DPP6: variants seen among roughly 807,000 people sequenced by gnomAD.
DPP6 encodes the protein A-type potassium channel modulatory protein DPP6.
A neutral mutation model predicts 122.6 loss-of-function variants in DPP6; 69 were observed. The ratio of observed to expected loss-of-function variants is 0.56; its 90% CI spans 0.46 to 0.69. DPP6 has a LOEUF of 0.69. DPP6 is among the 30% of genes least tolerant of loss of function. The pLI, the probability that DPP6 is intolerant of heterozygous loss-of-function variation, is 0.00. For synonymous variants in DPP6, 418 were observed against 433.1 expected (o/e 0.97, Z 0.43); for missense variants, 928 against 1,116.9 (o/e 0.83, Z 2.41).
intron 1 of DPP6, chr7:154,305,193 G>T: frequency 9.5e-7 from 1 of 1,054,274 alleles, no homozygotes; most frequent in Non-Finnish European, 1.2e-6. Flanking sequence ...GCCGCCACTT[G>T]CCGGTTGCTA....
At chr7:154,325,325 G>A (rs922759370) in intron 1 of DPP6, among the ~76,000 whole-genome samples, 4 of 152,144 alleles carry the variant, frequency 2.6e-5, no homozygotes, top group African/African-American at 9.7e-5. Flanking sequence ...CAGATGGGAT[G>A]TAGGGCCTAT....
chr7:154,010,780 C>A (rs932696933), intron 1 of DPP6, among the ~76,000 whole-genome samples: 4 of 152,192 alleles, frequency 2.6e-5, no homozygotes, highest in African/African-American at 9.7e-5. Flanking sequence ...TAAAACCCAA[C>A]TGTGCAAGTG....
the DPP6 span, among the ~76,000 whole-genome samples, chr7:153,748,421 GGGGGGTGTGGAAAGATC>G: frequency 3.6e-5 from 2 of 55,206 alleles, no homozygotes; most frequent in Non-Finnish European, 7.2e-5. Context: ...TTGAGGGTGA[GGGGGGTGTGGAAAGATC>G]CGCCCTGGAG....
At chr7:154,148,214 G>A (rs527448811) in intron 1 of DPP6, among the ~76,000 whole-genome samples, 6 of 118,474 alleles carry the variant, frequency 5.1e-5, no homozygotes, top group Admixed American at 4.1e-4. Flanking sequence ...GAGGTCCCCC[G>A]TCTGACTCAC....
chr7:154,500,288 G>C (rs1244495795), intron 3 of DPP6, among the ~76,000 whole-genome samples: 1 of 152,142 alleles, frequency 6.6e-6, no homozygotes, highest in Non-Finnish European at 1.5e-5. Flanking sequence ...AAAAAACATT[G>C]AATTGCACAC....
At chr7:154,263,000 A>G (rs1006546512) in intron 1 of DPP6, among the ~76,000 whole-genome samples, 1 of 152,238 alleles carries the variant, frequency 6.6e-6, no homozygotes, top group Non-Finnish European at 1.5e-5. Flanking sequence ...TGAAAAGGAA[A>G]TATAGCTAGG....
Position 154,687,418 on chromosome 7 carries a change from G to C in DPP6, c.762+17977G>C, listed in dbSNP as rs150297254. ...GTGCACATGTGGCAAAGTTTCTGTAGGTTTTGCTGTGTGTATATTTCATTA... is the reference window on the plus strand; with the variant it reads ...GTGCACATGTGGCAAAGTTTCTGTACGTTTTGCTGTGTGTATATTTCATTA... On this transcript the variant is annotated intron_variant, in intron 7 of 25. Transcript: ENST00000377770. 6.0e-4 allele frequency among the ~76,000 whole-genome samples: 91 copies of C among 152,264 alleles called. No individual in the cohort carries two copies. In the East Asian group the frequency reaches 0.015, roughly 25 times the overall value.
intron 1 of DPP6, among the ~76,000 whole-genome samples, chr7:153,967,722 A>C (rs1202837162): frequency 6.6e-6 from 1 of 152,102 alleles, no homozygotes; most frequent in African/African-American, 2.4e-5. Flanking sequence ...TCCTGTGTGC[A>C]TGCGAGATAG....
intron 1 of DPP6, among the ~76,000 whole-genome samples, chr7:154,346,840 C>T (rs1203779879): frequency 2.0e-5 from 3 of 152,190 alleles, no homozygotes; most frequent in Non-Finnish European, 2.9e-5. Flanking sequence ...AGCTACCACA[C>T]ATTTAATATT....
At chr7:153,835,493 T>C in the DPP6 span, among the ~76,000 whole-genome samples, 1 of 152,174 alleles carries the variant, frequency 6.6e-6, no homozygotes, top group Admixed American at 6.5e-5. Context: ...ATTAGTTCTA[T>C]ACATACATAA....
chr7:153,944,969 T>C (rs1376182468), intron 1 of DPP6, among the ~76,000 whole-genome samples: 1 of 152,118 alleles, frequency 6.6e-6, no homozygotes, highest in East Asian at 1.9e-4. Flanking sequence ...GCGCTTTGCG[T>C]TCTCTGTTCC....
At chr7:154,316,386 C>A (rs1228605123) in intron 1 of DPP6, among the ~76,000 whole-genome samples, 2 of 152,130 alleles carry the variant, frequency 1.3e-5, no homozygotes, top group African/African-American at 4.8e-5. Context: ...ATAAGAAAAC[C>A]ATCAGAAATC....
At chr7:154,660,163 AT>A (rs1209228033) in intron 6 of DPP6, among the ~76,000 whole-genome samples, 3 of 152,366 alleles carry the variant, frequency 2.0e-5, no homozygotes, top group African/African-American at 7.2e-5. Context: ...GAATTAGTGA[AT>A]CACCATCGCA....
chr7:153,768,620 T>C, the DPP6 span, among the ~76,000 whole-genome samples: 1 of 152,198 alleles, frequency 6.6e-6, no homozygotes, highest in Non-Finnish European at 1.5e-5. Flanking sequence ...GACTAGTGAA[T>C]ATTAAACACT....
At position 154,193,876 on chromosome 7, in the gene DPP6, C is replaced by T. The variant is rs565092191; in HGVS notation, c.243+140813C>T. Among the ~76,000 whole-genome samples, 8 of 152,100 alleles carry T rather than the reference C, an allele frequency of 5.3e-5. No individual in the cohort carries two copies. In the East Asian group the frequency reaches 1.4e-3, roughly 26 times the overall value. On this transcript the variant is annotated intron_variant, in intron 1 of 25. Transcript: ENST00000377770. The stretch of plus-strand genomic sequence containing the variant: ...GCATCCTTGCACACCCTGGGATGCG[C>T]TCACCACAGAGGGGTGTGCGCTGGT...
intron 1 of DPP6, among the ~76,000 whole-genome samples, chr7:153,919,144 C>T (rs1014284711): frequency 3.3e-5 from 5 of 152,058 alleles, no homozygotes; most frequent in African/African-American, 7.2e-5. Context: ...TTTCCTTGGC[C>T]TTATTCTTGA....
intron 16 of DPP6, 32 bp downstream of exon 16, chr7:154,807,144 G>T: frequency 6.2e-7 from 1 of 1,604,650 alleles, no homozygotes; most frequent in South Asian, 1.1e-5. Flanking sequence ...AGGGCAAAGA[G>T]CCCTGGCAGG....
At chr7:154,065,737 C>T (rs1010414262) in intron 1 of DPP6, among the ~76,000 whole-genome samples, 3 of 152,316 alleles carry the variant, frequency 2.0e-5, no homozygotes, top group South Asian at 2.1e-4. Context: ...AGCCTGAGTC[C>T]TGTGTTCCAC....
At chr7:153,807,369 G>A in the DPP6 span, among the ~76,000 whole-genome samples, 10 of 151,148 alleles carry the variant, frequency 6.6e-5, no homozygotes, top group East Asian at 3.9e-4. Context: ...TGCCACAGCC[G>A]AGATCTGTGA....
Sources: allele counts gnomAD v4.1 joint callset (sites outside exome capture counted in the v4.1 genomes callset), GRCh38; gene constraint gnomAD v4.1.1; transcripts MANE v1.5; gene names NCBI Gene and HGNC (gene_info 2026-07-23, HGNC 2026-07-21).